ICA1: variants seen among roughly 807,000 people sequenced by gnomAD.
ICA1 encodes the protein 69 kDa islet cell autoantigen.
Under a neutral mutation model 71.0 loss-of-function variants are expected in ICA1, and 40 were observed. The ratio of observed to expected loss-of-function variants is 0.56; its 90% CI spans 0.44 to 0.73. ICA1 has a LOEUF of 0.73. Among genes scored for constraint, ICA1 ranks in the 30% least tolerant of loss-of-function variants. The pLI is 0.00. For missense variants in ICA1, 578 were observed against 576.5 expected (o/e 1.00, Z -0.03); for synonymous variants, 207 against 209.5 (o/e 0.99, Z 0.10).
intron 1 of ICA1, among the ~76,000 whole-genome samples, chr7:8,249,153 C>T (rs563060987): frequency 1.1e-4 from 16 of 152,380 alleles, no homozygotes; most frequent in African/African-American, 3.4e-4. Context: ...GCACAAATGC[C>T]ATGGCAGAGG....
intron 5 of ICA1, 166 bp from the exon 6 acceptor site, chr7:8,218,669 T>C: frequency 1.6e-6 from 1 of 641,030 alleles, no homozygotes; most frequent in East Asian, 2.7e-5. Context: ...TAGTTCCAAC[T>C]GATTAGTCAG....
At chr7:8,241,972 C>A (rs1344829224) in intron 1 of ICA1, among the ~76,000 whole-genome samples, 1 of 152,150 alleles carries the variant, frequency 6.6e-6, no homozygotes, top group South Asian at 2.1e-4. Flanking sequence ...TAATGGGAGA[C>A]TTTAACACCC....
At chr7:8,219,319 G>T (rs1201324128) in intron 5 of ICA1, among the ~76,000 whole-genome samples, 1 of 152,230 alleles carries the variant, frequency 6.6e-6, no homozygotes, top group East Asian at 1.9e-4. Context: ...TCTTCTTCAT[G>T]AAGTTTCAGG....
chr7:8,202,868 C>CTGCA (rs1554337292), intron 6 of ICA1, among the ~76,000 whole-genome samples: 8 of 151,536 alleles, frequency 5.3e-5, no homozygotes, highest in African/African-American at 1.9e-4. Context: ...AATAGACACA[C>CTGCA]CGCACGAATG....
intron 3 of ICA1, 130 bp from the exon 4 acceptor site, chr7:8,228,803 T>C (rs1241270632): frequency 1.9e-5 from 11 of 571,512 alleles, no homozygotes; most frequent in African/African-American, 1.5e-4. Flanking sequence ...TGCTTAGTGT[T>C]ATGCGGTGTA....
chr7:8,114,251 G>A (rs1028174397), intron 13 of ICA1: 10 of 561,780 alleles, frequency 1.8e-5, no homozygotes, highest in Non-Finnish European at 2.9e-5. Flanking sequence ...CTGAAGCTCC[G>A]AGAATAACAA....
Position 8,232,620 on chromosome 7 carries a change from G to C in ICA1, c.153C>G (p.Ala51=), listed in dbSNP as rs1800602702. The change falls in exon 3 of 14, where the codon GCC becomes GCG. Residue 51 remains alanine, a synonymous_variant. Transcript: ENST00000402384. Reference sequence around the variant, plus strand: ...GCTTGGCATCCAGGTCCGCGTCAGAGGCAACAACATGTTCATCTTCCTTCT... The same window carrying C: ...GCTTGGCATCCAGGTCCGCGTCAGACGCAACAACATGTTCATCTTCCTTCT... ...TGKKEDEHVV[A]SDADLDAKLE... 1 of 1,612,788 alleles carries C rather than the reference G, an allele frequency of 6.2e-7. No individual in the cohort carries two copies. The highest frequency in any genetic ancestry group is 1.3e-5 in the African/African-American group (1 of 74,872).
At chr7:8,143,729 T>G in intron 9 of ICA1, 146 bp downstream of exon 9, 1 of 601,382 alleles carries the variant, frequency 1.7e-6, no homozygotes, top group Non-Finnish European at 3.0e-6. Flanking sequence ...TTAAAGGGGT[T>G]TGGCTGGGAT....
chr7:8,139,545 A>C (rs1181197113), intron 10 of ICA1, among the ~76,000 whole-genome samples: 1 of 152,228 alleles, frequency 6.6e-6, no homozygotes. Context: ...AGTGGAGGAC[A>C]CAGGGGTTTC....
intron 8 of ICA1, among the ~76,000 whole-genome samples, chr7:8,152,839 C>G (rs374793068): frequency 0.025 from 2,267 of 89,696 alleles, 1 homozygote; most frequent in Middle Eastern, 0.04. Context: ...ACTACCCCCA[C>G]CACTACCACC....
At chr7:8,135,696 A>G (rs989880426) in intron 12 of ICA1, among the ~76,000 whole-genome samples, 3 of 152,238 alleles carry the variant, frequency 2.0e-5, no homozygotes, top group Admixed American at 2.0e-4. Flanking sequence ...ACATGTGACC[A>G]CAATTTAGAA....
chr7:8,161,321 A>G (rs1180191039), intron 6 of ICA1, among the ~76,000 whole-genome samples: 1 of 152,212 alleles, frequency 6.6e-6, no homozygotes, highest in African/African-American at 2.4e-5. Flanking sequence ...ACATAGAACT[A>G]AGAGGAACAG....
At chr7:8,128,993 T>C (rs189880792) in intron 12 of ICA1, among the ~76,000 whole-genome samples, 3 of 152,316 alleles carry the variant, frequency 2.0e-5, no homozygotes, top group African/African-American at 7.2e-5. Flanking sequence ...CCAAAAGAAA[T>C]ACACTTTAAA....
intron 6 of ICA1, among the ~76,000 whole-genome samples, chr7:8,176,927 G>T (rs555962963): frequency 3.9e-5 from 6 of 152,268 alleles, no homozygotes; most frequent in Non-Finnish European, 5.9e-5. Context: ...GGATGTGAAA[G>T]CCCCTGCTCA....
At chr7:8,201,159 T>C (rs551094840) in intron 6 of ICA1, among the ~76,000 whole-genome samples, 30 of 152,342 alleles carry the variant, frequency 2.0e-4, no homozygotes, top group African/African-American at 5.8e-4. Flanking sequence ...GCCTGAGACA[T>C]ACCTCTCCCT....
intron 6 of ICA1, among the ~76,000 whole-genome samples, chr7:8,175,770 C>T (rs900216002): frequency 1.3e-5 from 2 of 152,138 alleles, no homozygotes; most frequent in Non-Finnish European, 2.9e-5. Flanking sequence ...ACCAATGCCT[C>T]ATGGTCATTT....
chr7:8,197,048 T>G (rs1165666082), intron 6 of ICA1, among the ~76,000 whole-genome samples: 1 of 152,064 alleles, frequency 6.6e-6, no homozygotes, highest in East Asian at 1.9e-4. Flanking sequence ...GCCTTGGGTA[T>G]ATCTTTATTA....
At chr7:8,198,057 A>T (rs1438981018) in intron 6 of ICA1, among the ~76,000 whole-genome samples, 2 of 152,248 alleles carry the variant, frequency 1.3e-5, no homozygotes, top group Non-Finnish European at 2.9e-5. Context: ...TTGTGTATGT[A>T]ACAAACAATA....
chr7:8,155,878 T>C (rs552834915), intron 8 of ICA1, among the ~76,000 whole-genome samples: 37 of 152,282 alleles, frequency 2.4e-4, no homozygotes, highest in African/African-American at 8.4e-4. Context: ...AGGGGAAGGC[T>C]GAGGGCACAC....
Sources: allele counts gnomAD v4.1 joint callset (sites outside exome capture counted in the v4.1 genomes callset), GRCh38; gene constraint gnomAD v4.1.1; transcripts MANE v1.5; gene names NCBI Gene and HGNC (gene_info 2026-07-23, HGNC 2026-07-21).